Variants in PTPRB observed in about 807,000 individuals in gnomAD.
PTPRB encodes the protein protein tyrosine phosphatase receptor type B, also known as receptor-type tyrosine-protein phosphatase beta.
Under a neutral mutation model 238.1 loss-of-function variants are expected in PTPRB, and 97 were observed. The observed-to-expected ratio is 0.41, with a 90% CI of 0.35 to 0.48. The LOEUF is 0.48. Among genes scored for constraint, PTPRB ranks in the 20% least tolerant of loss-of-function variants. The pLI is 0.30. For missense variants in PTPRB, 2,292 were observed against 2,681.9 expected (o/e 0.85, Z 3.21); for synonymous variants, 970 against 995.4 (o/e 0.97, Z 0.48).
intron 7 of PTPRB, among the ~76,000 whole-genome samples, chr12:70,590,511 A>T (rs1234215448): frequency 6.6e-6 from 1 of 151,088 alleles, no homozygotes; most frequent in Admixed American, 6.6e-5. Context: ...TTTGTAAGAG[A>T]TATTGGATGT....
intron 16 of PTPRB, 101 bp from the exon 17 acceptor site, chr12:70,561,035 T>C (rs1565944717): frequency 1.7e-6 from 2 of 1,191,272 alleles, no homozygotes; most frequent in Non-Finnish European, 2.4e-6. Flanking sequence ...GGGTGAGTCG[T>C]ACATATTGTA....
chr12:70,607,746 T>G (rs924061365), intron 4 of PTPRB, among the ~76,000 whole-genome samples: 4 of 151,750 alleles, frequency 2.6e-5, no homozygotes, highest in African/African-American at 9.7e-5. Context: ...AGAGACGAGG[T>G]TTTGCCATGT....
chr12:70,576,673 G>GC (rs975826106), intron 10 of PTPRB, 28 bp from the exon 11 acceptor site: 8 of 273,422 alleles, frequency 2.9e-5, no homozygotes, highest in African/African-American at 2.3e-4. Context: ...GGGGGGCGGG[G>GC]GGGGGGGGGA....
chr12:70,562,434 G>A (rs1592481279), intron 16 of PTPRB, among the ~76,000 whole-genome samples: 1 of 152,096 alleles, frequency 6.6e-6, no homozygotes, highest in Non-Finnish European at 1.5e-5. Flanking sequence ...TTTCTAATTC[G>A]CAGCAGTCAC....
At chr12:70,568,745 C>G (rs902215144) in intron 14 of PTPRB, among the ~76,000 whole-genome samples, 3 of 152,200 alleles carry the variant, frequency 2.0e-5, no homozygotes, top group African/African-American at 7.2e-5. Flanking sequence ...GAATGGGAGA[C>G]ATCTAAGAAG....
At chr12:70,615,957 A>T (rs1156857232) in intron 3 of PTPRB, among the ~76,000 whole-genome samples, 1 of 152,190 alleles carries the variant, frequency 6.6e-6, no homozygotes, top group Non-Finnish European at 1.5e-5. Flanking sequence ...CAGGAAATTC[A>T]AAATGGATAT....
Position 70,566,472 on chromosome 12 carries a change from G to A in PTPRB, c.3867C>T (p.Gly1289=). ...YKIQILTVSG[G]LFSKEAQTEG... ...CAGTCTGGGCTTCCTTGCTAAAGAG[G>A]CCTCCACTGACAGTTAGGATCTGTA... The change falls in exon 15 of 34, where the codon GGC becomes GGT. Residue 1289 remains glycine (G), a synonymous_variant. Transcript: ENST00000334414. The A allele has an allele frequency of 1.2e-6, 2 of 1,613,904 alleles. No individual in the cohort carries two copies. The highest frequency in any genetic ancestry group is 1.7e-6 in the Non-Finnish European group (2 of 1,179,842).
intron 16 of PTPRB, among the ~76,000 whole-genome samples, chr12:70,561,514 G>GCA (rs1359739137): frequency 3.3e-5 from 5 of 152,142 alleles, no homozygotes; most frequent in African/African-American, 1.2e-4. Context: ...TTGCCACATT[G>GCA]GGAGACCTTT....
At chr12:70,549,852 A>G (rs1876615600) in intron 21 of PTPRB, among the ~76,000 whole-genome samples, 1 of 152,238 alleles carries the variant, frequency 6.6e-6, no homozygotes, top group Admixed American at 6.5e-5. Flanking sequence ...TGTTCTGAAA[A>G]ACAAATATGT....
chr12:70,571,774 G>C, intron 12 of PTPRB, 50 bp downstream of exon 12: 3 of 1,567,044 alleles, frequency 1.9e-6, no homozygotes, highest in African/African-American at 1.4e-5. Context: ...TAAATTACTA[G>C]AGACTTTCAA....
At chr12:70,574,276 C>T (rs912625838) in intron 11 of PTPRB, among the ~76,000 whole-genome samples, 1 of 152,184 alleles carries the variant, frequency 6.6e-6, no homozygotes, top group African/African-American at 2.4e-5. Flanking sequence ...CTCACACCTG[C>T]AAGTTGCATT....
chr12:70,589,328 C>G (rs1882249775), intron 8 of PTPRB, among the ~76,000 whole-genome samples: 1 of 152,162 alleles, frequency 6.6e-6, no homozygotes, highest in African/African-American at 2.4e-5. Flanking sequence ...GAATTTCACT[C>G]TAAATATGGA....
At chr12:70,629,106 A>G (rs1377859696) in intron 2 of PTPRB, among the ~76,000 whole-genome samples, 1 of 152,176 alleles carries the variant, frequency 6.6e-6, no homozygotes. Context: ...TAGCTAAACT[A>G]TTAATATGAT....
chr12:70,606,559 G>A (rs75453713), intron 4 of PTPRB, among the ~76,000 whole-genome samples: 2,905 of 152,228 alleles, frequency 0.019, 45 homozygotes, highest in Non-Finnish European at 0.03. Context: ...TGATAAGACA[G>A]GCATAATAGA....
chr12:70,593,349 C>G (rs776879157), intron 6 of PTPRB, among the ~76,000 whole-genome samples: 2 of 151,788 alleles, frequency 1.3e-5, no homozygotes, highest in Non-Finnish European at 2.9e-5. Context: ...CCCATCTCTA[C>G]GAAAAATACA....
intron 8 of PTPRB, among the ~76,000 whole-genome samples, chr12:70,587,874 G>C (rs2136448105): frequency 6.6e-6 from 1 of 152,096 alleles, no homozygotes; most frequent in East Asian, 1.9e-4. Flanking sequence ...GCCGAGGCGG[G>C]TGGATCACTT....
chr12:70,578,263 A>G (rs1881005590), intron 10 of PTPRB, among the ~76,000 whole-genome samples: 1 of 152,186 alleles, frequency 6.6e-6, no homozygotes, highest in African/African-American at 2.4e-5. Context: ...GTGAAATATA[A>G]GAATACCTTT....
intron 33 of PTPRB, 128 bp downstream of exon 33, chr12:70,524,343 A>T (rs1385758804): frequency 9.7e-7 from 1 of 1,035,400 alleles, no homozygotes; most frequent in East Asian, 2.9e-5. Context: ...TCAAACTCTT[A>T]GGCTCAAGTG....
intron 2 of PTPRB, among the ~76,000 whole-genome samples, chr12:70,631,814 C>A (rs959359392): frequency 6.6e-6 from 1 of 152,158 alleles, no homozygotes; most frequent in African/African-American, 2.4e-5. Flanking sequence ...ATGCAGCCAA[C>A]AGACACATGA....
Sources: gnomAD v4.1 joint callset for allele counts (sites outside exome capture counted in the v4.1 genomes callset) on GRCh38, gnomAD v4.1.1 for gene constraint, MANE v1.5 for transcripts, NCBI Gene and HGNC (gene_info 2026-07-23, HGNC 2026-07-21) for gene names.